Variants in NIPAL3 observed in about 807,000 individuals in gnomAD.
NIPAL3 encodes NIPA-like protein 3.
In NIPAL3, 41 loss-of-function variants were observed where a neutral mutation model predicts 47.2. That is an observed-to-expected ratio of 0.87 (90% CI 0.68 to 1.13). NIPAL3 has a LOEUF of 1.13. Ranked by LOEUF, NIPAL3 falls within the 50% of genes most tolerant of loss-of-function variation. The pLI is 0.00. For missense variants in NIPAL3, 449 were observed against 530.1 expected (o/e 0.85, Z 1.50); for synonymous variants, 194 against 209.6 (o/e 0.93, Z 0.64).
At chr1:24,453,900 G>A (rs1009706233) in intron 7 of NIPAL3, among the ~76,000 whole-genome samples, 20 of 152,234 alleles carry the variant, frequency 1.3e-4, no homozygotes, top group Middle Eastern at 6.8e-3. Context: ...TCAGAGCTTA[G>A]GGATTCATTC....
Position 24,442,121 on chromosome 1 carries a change from T to C in NIPAL3, c.229T>C (p.Trp77Arg), listed in dbSNP as rs1361138377. The C allele has an allele frequency of 1.9e-6, 3 of 1,614,212 alleles. No individual in the cohort carries two copies. In the Admixed American group the frequency reaches 5.0e-5, roughly 27 times the overall value. Residue 77 changes from tryptophan (W) to arginine (R), a missense_variant, in exon 4 of 12, where the codon TGG (tryptophan) becomes CGG (arginine). Coordinates refer to ENST00000374399, the MANE Select transcript of NIPAL3 (RefSeq NM_020448.5). ...GGCCTATTTCAAGACCAAGACATGG[T>C]GGCTGGGCCTGTTCCTGATGCTTCT... The part of the protein sequence containing the change: ...PRAYFKTKTW[W>R]LGLFLMLLGE...
intron 7 of NIPAL3, among the ~76,000 whole-genome samples, chr1:24,455,329 CAGAG>C (rs1326556899): frequency 6.6e-6 from 1 of 152,318 alleles, no homozygotes; most frequent in Admixed American, 6.5e-5. Context: ...GCTGGGTACA[CAGAG>C]AGAATATTAG....
chr1:24,456,260 G>A lies in NIPAL3; in HGVS notation c.760G>A (p.Val254Ile), dbSNP rs772319249. The A allele has an allele frequency of 3.9e-5, 63 of 1,614,062 alleles. No homozygotes were observed. Among genetic ancestry groups the A allele is most frequent in the African/African-American group, 1.6e-4 (12 of 74,920 alleles). The change falls in exon 8 of 12, where the codon GTC (valine) becomes ATC (isoleucine). Residue 254 changes from valine to isoleucine, a missense_variant. Transcript: ENST00000374399. Reference protein sequence around the residue: ...VMFVCMVATAVYQAAFLSQAS... With the variant: ...VMFVCMVATAIYQAAFLSQAS... ...GTTCGTGTGCATGGTGGCAACCGCCGTCTATCAGGCTGCGTGAGTTACAAA... is the reference window on the plus strand; with the variant it reads ...GTTCGTGTGCATGGTGGCAACCGCCATCTATCAGGCTGCGTGAGTTACAAA...
Position 24,416,119 on chromosome 1 carries a change from G to A in NIPAL3, c.-258+215G>A, listed in dbSNP as rs1644014683. The A allele has an allele frequency of 3.0e-6, 3 of 985,492 alleles. No individual in the cohort carries two copies. Among genetic ancestry groups the A allele is most frequent in the Non-Finnish European group, 3.6e-6 (3 of 829,984 alleles). The allele number at this position is 985,492 out of a possible 1,614,324, so 61.0% of individuals were successfully genotyped here. A position where few individuals can be genotyped will look rare whatever the true frequency, so the allele number is the denominator to read the frequency against. ...GGGCATGGGCTACCTTACTAAAGGTGATGCCAGGCTCTACCAAACCAGGAA... is the reference window on the plus strand; with the variant it reads ...GGGCATGGGCTACCTTACTAAAGGTAATGCCAGGCTCTACCAAACCAGGAA... On this transcript the variant is annotated intron_variant, in intron 1 of 11. Coordinates refer to ENST00000374399, the MANE Select transcript of NIPAL3 (RefSeq NM_020448.5). The surrounding 1 kb of genome is among the most constrained non-coding windows in gnomAD (Gnocchi z 4.8).
Position 24,468,911 on chromosome 1 carries a change from G to A in NIPAL3, c.1022-75G>A, listed in dbSNP as rs956260519. 6.7e-6 allele frequency: 9 copies of A among 1,336,288 alleles called. No individual in the cohort carries two copies. The African/African-American group carries it at 1.0e-4, about 15-fold the overall frequency. The allele number at this position is 1,336,288 out of a possible 1,614,324, so 82.8% of individuals were successfully genotyped here. The stretch of plus-strand genomic sequence containing the variant: ...TGCTGAGCACTATAATTAGTCTGTG[G>A]CGGGATAGAGGGAGATGCGGCCTCC... On this transcript the variant is annotated intron_variant, in intron 11 of 11. Coordinates refer to ENST00000374399, the MANE Select transcript of NIPAL3 (RefSeq NM_020448.5).
rs772801280 is a variant in NIPAL3 at position 24,451,403 on chromosome 1, C to A, written c.540+1777C>A. On this transcript the variant is annotated intron_variant, in intron 6 of 11. Coordinates refer to ENST00000374399, the MANE Select transcript of NIPAL3 (RefSeq NM_020448.5). This position sits in a 1 kb window ranked among gnomAD's most constrained non-coding sequence, Gnocchi z 4.5. ...GCTATTCCAGTGTTCATTTTAGAAT[C>A]ATGGAGAACGGGCCACATGTGGTGG... Among the ~76,000 whole-genome samples the A allele has an allele frequency of 2.0e-4, 30 of 152,104 alleles. No individual in the cohort carries two copies. The highest frequency in any genetic ancestry group is 3.4e-4 in the Non-Finnish European group (23 of 68,016).
At position 24,436,558 on chromosome 1, in the gene NIPAL3, G is replaced by A. The variant is rs559000495; in HGVS notation, c.94-3614G>A. 6.2e-4 allele frequency among the ~76,000 whole-genome samples: 94 copies of A among 151,372 alleles called. 1 individual carries two copies. The Middle Eastern group carries it at 0.01, about 16-fold the overall frequency. ...GGCTGGAGTACAATGGTGCAATCTCGGCTCTCTGCAACCTCTGCCTCCTGG... is the reference window on the plus strand; with the variant it reads ...GGCTGGAGTACAATGGTGCAATCTCAGCTCTCTGCAACCTCTGCCTCCTGG... On this transcript the variant is annotated intron_variant, in intron 2 of 11. Transcript: ENST00000374399.
chr1:24,457,767 GAAC>G (rs747524612), intron 8 of NIPAL3: 1 of 533,406 alleles, frequency 1.9e-6, no homozygotes, highest in South Asian at 1.4e-5. Flanking sequence ...CTGCTAATGA[GAAC>G]AACAGTCCCT....
Position 24,440,207 on chromosome 1 carries a change from G to A in NIPAL3, c.129G>A (p.Gly43=). 3 of 1,596,750 alleles carry A rather than the reference G, an allele frequency of 1.9e-6. No homozygotes were observed. Among genetic ancestry groups the A allele is most frequent in the Non-Finnish European group, 2.6e-6 (3 of 1,172,058 alleles). Residue 43 remains glycine (G), a synonymous_variant, in exon 3 of 12, where the codon GGG becomes GGA. Coordinates refer to ENST00000374399, the MANE Select transcript of NIPAL3 (RefSeq NM_020448.5). ...NLIGALLAIF[G]HLVVSIALNL... ...TTGGCGCCCTCTTGGCGATCTTCGG[G>A]CACCTCGTGGTCAGCATTGCACTTA... is the stretch of plus-strand genomic sequence containing the variant.
In NIPAL3 at chr1:24,449,398, C is replaced by A; in HGVS notation, c.395-83C>A. 6.9e-7 allele frequency: 1 copy of A among 1,444,428 alleles called. No individual in the cohort carries two copies. The highest frequency in any genetic ancestry group is 9.4e-7 in the Non-Finnish European group (1 of 1,065,614). 89.5% of individuals were successfully genotyped at this position (1,444,428 alleles called of 1,614,324 possible). A position where few individuals can be genotyped will look rare whatever the true frequency, so the allele number is the denominator to read the frequency against. On this transcript the variant is annotated intron_variant, in intron 5 of 11. Coordinates refer to ENST00000374399, the MANE Select transcript of NIPAL3 (RefSeq NM_020448.5). This position sits in a 1 kb window ranked among gnomAD's most constrained non-coding sequence, Gnocchi z 4.5. ...AGGTCATGGTATGTTGCAGGAGAAGCCTGTTTTTTCATGGCTGAGAACGTG... is the reference window on the plus strand; with the variant it reads ...AGGTCATGGTATGTTGCAGGAGAAGACTGTTTTTTCATGGCTGAGAACGTG...
intron 2 of NIPAL3, among the ~76,000 whole-genome samples, chr1:24,425,053 G>GC (rs888329772): frequency 6.6e-6 from 1 of 152,186 alleles, no homozygotes; most frequent in Non-Finnish European, 1.5e-5. Flanking sequence ...GCTACAGGAA[G>GC]CCCCCCAGGC....
At chr1:24,464,406 GCCTGC>G in intron 11 of NIPAL3, 1 of 213,910 alleles carries the variant, frequency 4.7e-6, no homozygotes, top group Middle Eastern at 1.6e-3. Flanking sequence ...CAGGCTTCAT[GCCTGC>G]AAATGGAAAA....
At chr1:24,447,139 A>T (rs1224989544) in intron 5 of NIPAL3, among the ~76,000 whole-genome samples, 2 of 152,156 alleles carry the variant, frequency 1.3e-5, no homozygotes. Flanking sequence ...GAGTGACGTG[A>T]TGGTGGCCCA....
chr1:24,426,642 G>A (rs1267689567), intron 2 of NIPAL3, among the ~76,000 whole-genome samples: 3 of 152,306 alleles, frequency 2.0e-5, no homozygotes, highest in East Asian at 3.9e-4. Context: ...GAACCAGAGC[G>A]GTGTGGGGAG....
chr1:24,417,272 G>C (rs78200259), intron 1 of NIPAL3, among the ~76,000 whole-genome samples: 3,165 of 152,220 alleles, frequency 0.021, 127 homozygotes, highest in African/African-American at 0.073. Context: ...TCTCAGCTGG[G>C]AGCAACTGAA....
rs1463800980 is a variant in NIPAL3 at position 24,451,835 on chromosome 1, A to G, written c.541-1573A>G. On this transcript the variant is annotated intron_variant, in intron 6 of 11. Coordinates refer to ENST00000374399, the MANE Select transcript of NIPAL3 (RefSeq NM_020448.5). The surrounding 1 kb of genome is among the most constrained non-coding windows in gnomAD (Gnocchi z 4.5). ...TTGATGAAGTATTCTGCAGCAATTAAAGATAATTATGACAACTTCACAAAA... is the reference window on the plus strand; with the variant it reads ...TTGATGAAGTATTCTGCAGCAATTAGAGATAATTATGACAACTTCACAAAA... Among the ~76,000 whole-genome samples the G allele has an allele frequency of 6.6e-6, 1 of 152,246 alleles. No homozygotes were observed. Among genetic ancestry groups the G allele is most frequent in the African/African-American group, 2.4e-5 (1 of 41,462 alleles).
In NIPAL3 at chr1:24,416,457, A is replaced by C. The variant is rs1230494691; in HGVS notation, c.-258+553A>C. 6 of 506,530 alleles carry C rather than the reference A, an allele frequency of 1.2e-5. No individual in the cohort carries two copies. The highest frequency in any genetic ancestry group is 1.5e-5 in the Non-Finnish European group (6 of 392,296). 31.4% of individuals were successfully genotyped at this position (506,530 alleles called of 1,614,324 possible). A position where few individuals can be genotyped will look rare whatever the true frequency, so the allele number is the denominator to read the frequency against. ...GTGTTTTATTGATTTGTTCAGAAAG[A>C]GGCAAATTCGAATACAGACGCTATG... is the stretch of plus-strand genomic sequence containing the variant. On this transcript the variant is annotated intron_variant, in intron 1 of 11. Coordinates refer to ENST00000374399, the MANE Select transcript of NIPAL3 (RefSeq NM_020448.5). This position sits in a 1 kb window ranked among gnomAD's most constrained non-coding sequence, Gnocchi z 4.8.
chr1:24,445,446 G>A (rs1313562062), intron 5 of NIPAL3, among the ~76,000 whole-genome samples: 1 of 152,074 alleles, frequency 6.6e-6, no homozygotes, highest in Non-Finnish European at 1.5e-5. Context: ...TCATCGGTGA[G>A]GCTTTTAAAA....
At chr1:24,436,779 G>A (rs991740807) in intron 2 of NIPAL3, among the ~76,000 whole-genome samples, 11 of 151,994 alleles carry the variant, frequency 7.2e-5, no homozygotes, top group Non-Finnish European at 1.2e-4. Context: ...GATTACAGGC[G>A]TGAGCCACCG....
Sources: gnomAD v4.1 joint callset for allele counts (sites outside exome capture counted in the v4.1 genomes callset) on GRCh38, gnomAD v4.1.1 for gene constraint, Gnocchi (gnomAD v3.1) non-coding constraint, MANE v1.5 for transcripts, NCBI Gene and HGNC (gene_info 2026-07-23, HGNC 2026-07-21) for gene names.